Variants in DNAAF2 observed in about 807,000 individuals in gnomAD.
DNAAF2 encodes protein kintoun.
A neutral mutation model predicts 48.8 loss-of-function variants in DNAAF2; 58 were observed. The observed-to-expected ratio is 1.19, with a 90% CI of 0.96 to 1.48. The LOEUF is 1.48. Among genes scored for constraint, DNAAF2 ranks in the 40% most tolerant of loss-of-function variants. The probability of loss-of-function intolerance (pLI) is 0.00; values close to 1 mark genes in which losing one functional copy is unlikely to be tolerated. For missense variants in DNAAF2, 1,241 were observed against 1,116.1 expected (o/e 1.11, Z -1.59); for synonymous variants, 567 against 481.2 (o/e 1.18, Z -2.33).
rs777335572 is a variant in DNAAF2, at chr14:49,625,245, A to G, written c.*297T>C. ...ACAGAAGTATATATACATAGGTTGTATTAAAACTAAATGTTTTAACTCTCA... is the reference window on the plus strand; with the variant it reads ...ACAGAAGTATATATACATAGGTTGTGTTAAAACTAAATGTTTTAACTCTCA... On this transcript the variant is annotated 3_prime_UTR_variant, in exon 3 of 3. Coordinates refer to ENST00000298292, the MANE Select transcript of DNAAF2 (RefSeq NM_018139.3). The G allele has an allele frequency of 1.6e-5, 3 of 183,984 alleles. No individual in the cohort carries two copies. The highest frequency in any genetic ancestry group is 2.4e-5 in the African/African-American group (1 of 42,446). 11.4% of individuals were successfully genotyped at this position (183,984 alleles called of 1,614,324 possible). A position where few individuals can be genotyped will look rare whatever the true frequency, so the allele number is the denominator to read the frequency against.
At position 49,626,162 on chromosome 14, in the gene DNAAF2, C is replaced by T. The variant is rs116220930; in HGVS notation, c.2008-114G>A. On this transcript the variant is annotated intron_variant, in intron 2 of 2. Coordinates refer to ENST00000298292, the MANE Select transcript of DNAAF2 (RefSeq NM_018139.3). ...TTGTGAGGTAATAGCCCTTACAGAC[C>T]TGCAGGTATACATCCAGGCTTTCCT... The T allele has an allele frequency of 2.6e-3, 2,074 of 809,826 alleles. 30 individuals carry two copies. In the African/African-American group the frequency reaches 0.033, roughly 13 times the overall value. 50.2% of individuals were successfully genotyped at this position (809,826 alleles called of 1,614,324 possible). A position where few individuals can be genotyped will look rare whatever the true frequency, so the allele number is the denominator to read the frequency against.
At chr14:49,629,828 C>G (rs1189094601) in intron 1 of DNAAF2, 1 of 151,946 alleles carries the variant, frequency 6.6e-6, no homozygotes, top group East Asian at 1.9e-4. Context: ...TTTTTAAGCA[C>G]TGGGATACTC....
At chr14:49,626,146 A>C (rs1158573913) in intron 2 of DNAAF2, 98 bp from the exon 3 acceptor site, 3 of 1,017,272 alleles carry the variant, frequency 2.9e-6, no homozygotes, top group Non-Finnish European at 3.9e-6. Context: ...GTTGTGAGGT[A>C]ATAGCCCTTA....
In DNAAF2 at chr14:49,634,405, C is replaced by T; in HGVS notation, c.745G>A (p.Ala249Thr). 6.3e-7 allele frequency: 1 copy of T among 1,581,086 alleles called. No individual in the cohort carries two copies. Among genetic ancestry groups the T allele is most frequent in the Non-Finnish European group, 8.6e-7 (1 of 1,164,036 alleles). The change falls in exon 1 of 3, where the codon GCC (alanine) becomes ACC (threonine). Residue 249 changes from alanine (A) to threonine (T), a missense_variant. Transcript: ENST00000298292. ...PSPPEAALQP[A>T]PTEPRYSVVQ... ...ACGCTGTAGCGAGGCTCGGTGGGGG[C>T]GGGCTGCAAGGCCGCTTCCGGAGGG...
At position 49,634,643 on chromosome 14, in the gene DNAAF2, C is replaced by T. The variant is rs1008254325; in HGVS notation, c.507G>A (p.Leu169=). The T allele has an allele frequency of 1.2e-6, 2 of 1,607,230 alleles. No homozygotes were observed. Among genetic ancestry groups the T allele is most frequent in the African/African-American group, 1.3e-5 (1 of 74,946 alleles). ...CGCCGAACTGCTTCTCGACGGCCTC[C>T]AGGGCCGTGGCGTCCAGCATCTGGC... ...GFRQMLDATA[L]EAVEKQFGVK... The change falls in exon 1 of 3, where the codon CTG becomes CTA. Residue 169 remains leucine (L), a synonymous_variant. Transcript: ENST00000298292.
rs202079418 is a variant in DNAAF2, at chr14:49,633,745, A to G, written c.1405T>C (p.Cys469Arg). 1.3e-6 allele frequency: 2 copies of G among 1,593,756 alleles called. No individual in the cohort carries two copies. The highest frequency in any genetic ancestry group is 1.7e-6 in the Non-Finnish European group (2 of 1,171,702). Residue 469 changes from cysteine to arginine, a missense_variant, in exon 1 of 3, where the codon TGT becomes CGT. Physicochemically the swap from Cys to Arg is radical, Grantham distance 180 (BLOSUM62 -3). Transcript: ENST00000298292. ...ENSPGGGGSP[C>R]LSSRSLAWGS... ...CACGCCAGGCTCCGGGAGGACAAAC[A>G]AGGGGAGCCTCCGCCACCAGGTGAG... is the stretch of plus-strand genomic sequence containing the variant.
Position 49,634,621 on chromosome 14 carries a change from C to G in DNAAF2, c.529G>C (p.Gly177Arg), listed in dbSNP as rs1400569599. Residue 177 changes from glycine (G) to arginine (R), a missense_variant, in exon 1 of 3, where the codon GGC (glycine) becomes CGC (arginine). Coordinates refer to ENST00000298292, the MANE Select transcript of DNAAF2 (RefSeq NM_018139.3). ...TALEAVEKQF[G>R]VKLDRRNAKT... ...GCATTCCTGCGGTCCAGCTTCACGCCGAACTGCTTCTCGACGGCCTCCAGG... is the reference window on the plus strand; with the variant it reads ...GCATTCCTGCGGTCCAGCTTCACGCGGAACTGCTTCTCGACGGCCTCCAGG... 6.2e-7 allele frequency: 1 copy of G among 1,606,948 alleles called. No homozygotes were observed. The highest frequency in any genetic ancestry group is 2.2e-5 in the East Asian group (1 of 44,882).
Position 49,625,343 on chromosome 14 carries a change from CT to C in DNAAF2, c.*198del, listed in dbSNP as rs1329672190. The C allele has an allele frequency of 5.6e-6, 2 of 357,680 alleles. No homozygotes were observed. Among genetic ancestry groups the C allele is most frequent in the Non-Finnish European group, 9.9e-6 (2 of 202,538 alleles). The allele number at this position is 357,680 out of a possible 1,614,324, so 22.2% of individuals were successfully genotyped here. A position where few individuals can be genotyped will look rare whatever the true frequency, so the allele number is the denominator to read the frequency against. ...CACAAAACTTATCTCCATAAGGAAACTTTAAACTCCAGAGGCAAAAAAAAAA... is the reference window on the plus strand; with the variant it reads ...CACAAAACTTATCTCCATAAGGAAACTTAAACTCCAGAGGCAAAAAAAAAA... On this transcript the variant is annotated 3_prime_UTR_variant, in exon 3 of 3. Transcript: ENST00000298292.
chr14:49,626,909 G>A (rs868695208), intron 2 of DNAAF2, among the ~76,000 whole-genome samples: 1 of 144,250 alleles, frequency 6.9e-6, no homozygotes, highest in African/African-American at 2.6e-5. Context: ...AGATTCAAGC[G>A]ATTCTCCTGC....
At position 49,635,014 on chromosome 14, in the gene DNAAF2, G is replaced by C. The variant is rs1276860238; in HGVS notation, c.136C>G (p.Pro46Ala). Residue 46 changes from proline (P) to alanine (A), a missense_variant, in exon 1 of 3, where the codon CCG becomes GCG. By Grantham distance (27) the Pro-to-Ala change is conservative. Transcript: ENST00000298292. ...FSQYAEELTD[P>A]ENRRRYEAEI... is the part of the protein sequence containing the mutation. The stretch of plus-strand genomic sequence containing the variant: ...GCCTCGTAGCGCCGCCGGTTCTCCG[G>C]GTCGGTGAGCTCCTCGGCGTACTGG... 2 of 1,570,346 alleles carry C rather than the reference G, an allele frequency of 1.3e-6. No homozygotes were observed. The highest frequency in any genetic ancestry group is 1.7e-6 in the Non-Finnish European group (2 of 1,158,358).
In DNAAF2 at chr14:49,634,947, C is replaced by T; in HGVS notation, c.203G>A (p.Arg68Gln). 6.4e-7 allele frequency: 1 copy of T among 1,557,560 alleles called. No homozygotes were observed. Among genetic ancestry groups the T allele is most frequent in the Non-Finnish European group, 8.7e-7 (1 of 1,150,770 alleles). Residue 68 changes from arginine to glutamine, a missense_variant, in exon 1 of 3, where the codon CGG (arginine) becomes CAG (glutamine). Coordinates refer to ENST00000298292, the MANE Select transcript of DNAAF2 (RefSeq NM_018139.3). ...ALERERGVEV[R>Q]FVHPEPGHVL... ...ATGGCCGGGCTCCGGGTGCACGAACCGCACTTCCACCCCGCGCTCACGCTC... is the reference window on the plus strand; with the variant it reads ...ATGGCCGGGCTCCGGGTGCACGAACTGCACTTCCACCCCGCGCTCACGCTC...
In DNAAF2 at chr14:49,625,614, C is replaced by T; in HGVS notation, c.2442G>A (p.Val814=). 3.7e-6 allele frequency: 6 copies of T among 1,613,426 alleles called. No homozygotes were observed. Among genetic ancestry groups the T allele is most frequent in the Non-Finnish European group, 5.1e-6 (6 of 1,179,680 alleles). Reference sequence around the variant, plus strand: ...TGGTCACATGATCTTTAATGACCTGCACACTACCATCCTGCATATTGGTTT... The same window carrying T: ...TGGTCACATGATCTTTAATGACCTGTACACTACCATCCTGCATATTGGTTT... ...IKETNMQDGS[V]QVIKDHVTNC... is the part of the protein sequence containing the mutation. Residue 814 remains valine, a synonymous_variant, in exon 3 of 3, where the codon GTG becomes GTA. Coordinates refer to ENST00000298292, the MANE Select transcript of DNAAF2 (RefSeq NM_018139.3).
chr14:49,630,400 G>A (rs1286474264), intron 1 of DNAAF2, among the ~76,000 whole-genome samples: 2 of 151,912 alleles, frequency 1.3e-5, no homozygotes, highest in Non-Finnish European at 2.9e-5. Context: ...TAGGGTGTGG[G>A]GAGAATAACC....
At chr14:49,627,959 GGTTTT>G in intron 2 of DNAAF2, 48 bp downstream of exon 2, 2 of 1,457,494 alleles carry the variant, frequency 1.4e-6, no homozygotes, top group Non-Finnish European at 1.8e-6. Context: ...TAATTTGTTA[GGTTTT>G]AACTCTGTGC....
At position 49,635,039 on chromosome 14, in the gene DNAAF2, G is replaced by T; in HGVS notation, c.111C>A (p.Ser37=). Residue 37 remains serine, a synonymous_variant, in exon 1 of 3, where the codon TCC becomes TCA. Coordinates refer to ENST00000298292, the MANE Select transcript of DNAAF2 (RefSeq NM_018139.3). ...FQDPEFRRMF[S]QYAEELTDPE... is the part of the protein sequence containing the mutation. The stretch of plus-strand genomic sequence containing the variant: ...GGTCGGTGAGCTCCTCGGCGTACTG[G>T]GAGAACATTCGCCGGAACTCCGGGT... The T allele has an allele frequency of 6.3e-7, 1 of 1,580,934 alleles. No homozygotes were observed. The highest frequency in any genetic ancestry group is 2.3e-5 in the East Asian group (1 of 42,888).
rs778899267 is a variant in DNAAF2, at chr14:49,625,718, C to T, written c.2338G>A (p.Glu780Lys). Residue 780 changes from glutamate to lysine, a missense_variant, in exon 3 of 3, where the codon GAA becomes AAA. By Grantham distance (56) the Glu-to-Lys change is moderately conservative (BLOSUM62 1). Coordinates refer to ENST00000298292, the MANE Select transcript of DNAAF2 (RefSeq NM_018139.3). Reference sequence around the variant, plus strand: ...GAAGATAGGTGATCTCCATCTGTTTCTTTCTCTTCAGTTATTACTGACTCG... The same window carrying T: ...GAAGATAGGTGATCTCCATCTGTTTTTTTCTCTTCAGTTATTACTGACTCG... The part of the protein sequence containing the change: ...LNESVITEEK[E>K]TDGDHLSSLL... 8.7e-6 allele frequency: 14 copies of T among 1,613,522 alleles called. No homozygotes were observed. In the South Asian group the frequency reaches 1.5e-4, roughly 18 times the overall value.
Position 49,626,022 on chromosome 14 carries a change from C to G in DNAAF2, c.2034G>C (p.Gln678His), listed in dbSNP as rs1286322657. The change falls in exon 3 of 3, where the codon CAG becomes CAC. Residue 678 changes from glutamine to histidine, a missense_variant. By Grantham distance (24) the Gln-to-His change is conservative. Transcript: ENST00000298292. ...AKLQECSNSD[Q>H]LQGKEERVNE... ...TTACTCTTTCCTCCTTTCCTTGTAG[C>G]TGATCAGAGTTACTACATTCTTGCA... is the stretch of plus-strand genomic sequence containing the variant. 1 of 1,545,566 alleles carries G rather than the reference C, an allele frequency of 6.5e-7. No individual in the cohort carries two copies. The highest frequency in any genetic ancestry group is 1.4e-5 in the African/African-American group (1 of 73,204).
rs886038644 is a variant in DNAAF2, at chr14:49,633,881, C to G, written c.1269G>C (p.Pro423=). 44 of 1,536,742 alleles carry G rather than the reference C, an allele frequency of 2.9e-5. No homozygotes were observed. In the African/African-American group the frequency reaches 5.7e-4, roughly 20 times the overall value. The change falls in exon 1 of 3, where the codon CCG becomes CCC. Residue 423 remains proline, a synonymous_variant. Transcript: ENST00000298292. ...CACGCTCCTCTCCAGCTGCGGCCGG[C>G]GGAGGCGCCACCTCCGGGTCGCCCA... ...TTLGDPEVAP[P]PAAAGEERVP...
chr14:49,634,799 G>T lies in DNAAF2; in HGVS notation c.351C>A (p.Ser117Arg). Reference sequence around the variant, plus strand: ...CCAGGCTGTAGGGCAGGGACCAGTGGCTGCCAGGAGCTGCGCCCCGGTCGC... The same window carrying T: ...CCAGGCTGTAGGGCAGGGACCAGTGTCTGCCAGGAGCTGCGCCCCGGTCGC... ...SGGDRGAAPG[S>R]HWSLPYSLAP... Residue 117 changes from serine (S) to arginine (R), a missense_variant, in exon 1 of 3, where the codon AGC becomes AGA. Ser to Arg is a moderately radical substitution (Grantham distance 110, BLOSUM62 -1). Coordinates refer to ENST00000298292, the MANE Select transcript of DNAAF2 (RefSeq NM_018139.3). The T allele has an allele frequency of 6.4e-7, 1 of 1,556,696 alleles. No homozygotes were observed. Among genetic ancestry groups the T allele is most frequent in the Non-Finnish European group, 8.7e-7 (1 of 1,154,040 alleles).
Sources: gnomAD v4.1 joint callset for allele counts (sites outside exome capture counted in the v4.1 genomes callset) on GRCh38, gnomAD v4.1.1 for gene constraint, MANE v1.5 for transcripts, NCBI Gene and HGNC (gene_info 2026-07-23, HGNC 2026-07-21) for gene names.